Variants in ARHGAP28 observed in about 807,000 individuals in gnomAD.
ARHGAP28 encodes rho GTPase-activating protein 28.
In ARHGAP28, 56 loss-of-function variants were observed where a neutral mutation model predicts 90.7. The observed-to-expected ratio is 0.62, with a 90% confidence interval of 0.50 to 0.77. The LOEUF is 0.77. Among genes scored for constraint, ARHGAP28 ranks in the 30% least tolerant of loss-of-function variants. The pLI, the probability that ARHGAP28 is intolerant of heterozygous loss-of-function variation, is 0.00. For missense variants in ARHGAP28, 869 were observed against 900.9 expected (o/e 0.96, Z 0.45); for synonymous variants, 308 against 323.3 (o/e 0.95, Z 0.51).
At chr18:6,894,708 A>G in intron 14 of ARHGAP28, 127 bp from the exon 15 acceptor site, 4 of 706,992 alleles carry the variant, frequency 5.7e-6, no homozygotes, top group East Asian at 2.7e-5. Flanking sequence ...ATTAAAGTGC[A>G]TATACATTTT....
At chr18:6,885,255 G>A (rs1429419669) in intron 11 of ARHGAP28, among the ~76,000 whole-genome samples, 1 of 152,168 alleles carries the variant, frequency 6.6e-6, no homozygotes, top group Non-Finnish European at 1.5e-5. Flanking sequence ...TGATACCAGC[G>A]AACCCTGCAG....
intron 4 of ARHGAP28, among the ~76,000 whole-genome samples, chr18:6,857,123 T>C (rs1274561379): frequency 6.6e-6 from 1 of 152,194 alleles, no homozygotes; most frequent in Non-Finnish European, 1.5e-5. Flanking sequence ...TGCTACATAA[T>C]TCAGATTGTG....
chr18:6,815,080 A>C (rs1267618113), intron 1 of ARHGAP28, among the ~76,000 whole-genome samples: 1 of 152,236 alleles, frequency 6.6e-6, no homozygotes, highest in Non-Finnish European at 1.5e-5. Flanking sequence ...TAATGTGTTA[A>C]GAGTCACTTG....
intron 3 of ARHGAP28, among the ~76,000 whole-genome samples, chr18:6,842,400 T>C (rs2056834382): frequency 6.6e-6 from 1 of 152,136 alleles, no homozygotes; most frequent in Non-Finnish European, 1.5e-5. Context: ...GTCATATTGC[T>C]AATTTACTGA....
chr18:6,897,109 T>G (rs2143789233), intron 16 of ARHGAP28: 1 of 152,926 alleles, frequency 6.5e-6, no homozygotes, highest in South Asian at 2.1e-4. Context: ...AGACGAGGTT[T>G]CACCATGTTG....
intron 1 of ARHGAP28, among the ~76,000 whole-genome samples, chr18:6,813,562 T>C (rs776180059): frequency 6.6e-6 from 1 of 152,196 alleles, no homozygotes; most frequent in Non-Finnish European, 1.5e-5. Context: ...ATAGTAAAAA[T>C]ATACTCAATT....
chr18:6,782,038 G>A (rs1600178199), intron 1 of ARHGAP28, among the ~76,000 whole-genome samples: 1 of 152,028 alleles, frequency 6.6e-6, no homozygotes, highest in Admixed American at 6.5e-5. Context: ...TATTATCCTG[G>A]CAGAGAGCAC....
intron 11 of ARHGAP28, among the ~76,000 whole-genome samples, chr18:6,885,359 G>T (rs2057212018): frequency 6.6e-6 from 1 of 152,164 alleles, no homozygotes. Flanking sequence ...CTGAAGGGGA[G>T]GATTGTGAAC....
chr18:6,741,951 G>A (rs1423064295), intron 1 of ARHGAP28, among the ~76,000 whole-genome samples: 3 of 152,138 alleles, frequency 2.0e-5, no homozygotes, highest in Non-Finnish European at 1.5e-5. Flanking sequence ...TGGTTTTAAA[G>A]TAGACCACAA....
intron 1 of ARHGAP28, among the ~76,000 whole-genome samples, chr18:6,765,781 A>G (rs1451767642): frequency 6.6e-6 from 1 of 152,130 alleles, no homozygotes. Context: ...GGATTGCTTT[A>G]GCTGCATCCC....
chr18:6,797,577 G>T (rs1048816570), intron 1 of ARHGAP28, among the ~76,000 whole-genome samples: 2 of 151,912 alleles, frequency 1.3e-5, no homozygotes, highest in African/African-American at 4.8e-5. Context: ...AACTGGCACT[G>T]CTTGGAACAG....
At chr18:6,885,279 C>T (rs900220032) in intron 11 of ARHGAP28, among the ~76,000 whole-genome samples, 1 of 152,182 alleles carries the variant, frequency 6.6e-6, no homozygotes, top group African/African-American at 2.4e-5. Flanking sequence ...ACCCAGAGTT[C>T]TGGCCTGCTA....
At chr18:6,909,100 G>T (rs2057380149) in intron 17 of ARHGAP28, 76 bp downstream of exon 17, 2 of 879,922 alleles carry the variant, frequency 2.3e-6, no homozygotes, top group South Asian at 3.2e-5. Flanking sequence ...TAATCATAAA[G>T]GTATGTTTTA....
rs189041307 is a variant in ARHGAP28 at position 6,880,905 on chromosome 18, A to G, written c.1291-1232A>G. ...CTCATGCATCCTCTTTTCAGAGCCC[A>G]CTCTATCTCTTTCATTTTAGGGAGA... On this transcript the variant is annotated intron_variant, in intron 10 of 17. Coordinates refer to ENST00000383472, the MANE Select transcript of ARHGAP28 (RefSeq NM_001366230.1). Among the ~76,000 whole-genome samples, 11 of 152,144 alleles carry G rather than the reference A, an allele frequency of 7.2e-5. No individual in the cohort carries two copies. The East Asian group carries it at 1.7e-3, about 24-fold the overall frequency.
At chr18:6,762,477 C>T (rs2056169423) in intron 1 of ARHGAP28, among the ~76,000 whole-genome samples, 1 of 152,214 alleles carries the variant, frequency 6.6e-6, no homozygotes, top group Non-Finnish European at 1.5e-5. Flanking sequence ...ACATGCTACG[C>T]ATCCTCTTTC....
At chr18:6,815,587 A>G (rs2056584707) in intron 1 of ARHGAP28, among the ~76,000 whole-genome samples, 1 of 152,152 alleles carries the variant, frequency 6.6e-6, no homozygotes, top group African/African-American at 2.4e-5. Flanking sequence ...ATTATCACCT[A>G]TTAGCAGTCA....
chr18:6,775,997 T>C (rs1037384090), intron 1 of ARHGAP28, among the ~76,000 whole-genome samples: 2 of 151,972 alleles, frequency 1.3e-5, no homozygotes, highest in South Asian at 4.2e-4. Context: ...GGAAAAAACA[T>C]TGGGAAAATG....
intron 6 of ARHGAP28, 42 bp downstream of exon 6, chr18:6,868,276 C>T (rs1379599397): frequency 1.0e-5 from 16 of 1,553,858 alleles, no homozygotes; most frequent in Middle Eastern, 1.7e-4. Flanking sequence ...TGTGTCTTCT[C>T]GCTTTTGTTC....
intron 1 of ARHGAP28, among the ~76,000 whole-genome samples, chr18:6,730,367 G>A (rs967256783): frequency 6.6e-6 from 1 of 152,108 alleles, no homozygotes; most frequent in Non-Finnish European, 1.5e-5. Context: ...CCTTTTGAGA[G>A]CTTGTTCAGT....
Sources: gnomAD v4.1 joint callset for allele counts (sites outside exome capture counted in the v4.1 genomes callset) on GRCh38, gnomAD v4.1.1 for gene constraint, MANE v1.5 for transcripts, NCBI Gene and HGNC (gene_info 2026-07-23, HGNC 2026-07-21) for gene names.